ARL17B: variants seen among roughly 807,000 people sequenced by gnomAD.
ARL17B encodes ADP-ribosylation factor-like protein 17.
At chr17:46,291,649 G>A (rs535658865) in intron 4 of ARL17B, among the ~76,000 whole-genome samples, 11 of 152,132 alleles carry the variant, frequency 7.2e-5, no homozygotes, top group East Asian at 1.9e-4. Flanking sequence ...GGGCCCATAC[G>A]GTGGCTCATG....
rs191940456 is a variant in ARL17B at position 46,292,341 on chromosome 17, A to C, written c.*21+7185T>G. On this transcript the variant is annotated intron_variant, in intron 4 of 4. Coordinates refer to the ARL17B transcript ENST00000570618. Reference sequence around the variant, plus strand: ...AGCAAGACACTCTCTCGAGGAAAAAAAAAAAAAAGAAAAGGAAAACAACTC... The same window carrying C: ...AGCAAGACACTCTCTCGAGGAAAAACAAAAAAAAGAAAAGGAAAACAACTC... Among the ~76,000 whole-genome samples the C allele has an allele frequency of 5.1e-5, 4 of 79,116 alleles. No homozygotes were observed. The East Asian group carries it at 9.7e-4, about 19-fold the overall frequency. The allele number at this position is 79,116 out of a possible 152,430, so 51.9% of individuals were successfully genotyped here.
intron 4 of ARL17B, among the ~76,000 whole-genome samples, chr17:46,278,590 G>T (rs2049664780): frequency 6.6e-6 from 1 of 151,484 alleles, no homozygotes. Context: ...TTTTAGTAGA[G>T]ATGAGGTTTC....
intron 4 of ARL17B, among the ~76,000 whole-genome samples, chr17:46,292,158 C>A (rs140146209): frequency 0.013 from 1,460 of 111,074 alleles, 98 homozygotes; most frequent in African/African-American, 0.038. Context: ...ATGGTGAAAC[C>A]CCGTCTCTAC....
At chr17:46,284,799 T>A (rs531128609) in intron 4 of ARL17B, among the ~76,000 whole-genome samples, 1 of 152,384 alleles carries the variant, frequency 6.6e-6, no homozygotes, top group South Asian at 2.1e-4. Context: ...GATTCCCTTT[T>A]TAGTTTCTTC....
chr17:46,336,184 T>C lies in ARL17B; in HGVS notation c.*3316A>G, dbSNP rs1295917122. On this transcript the variant is annotated 3_prime_UTR_variant, in exon 4 of 4. Transcript: ENST00000450673. ...AAGTGGCAGGAAACAGTATTTTCTC[T>C]TTTATTTCTTTTTTTTTCCCCTGGA... Among the ~76,000 whole-genome samples, 1 of 31,028 alleles carries C rather than the reference T, an allele frequency of 3.2e-5. No homozygotes were observed. The highest frequency in any genetic ancestry group is 3.7e-4 in the Admixed American group (1 of 2,672). The allele number at this position is 31,028 out of a possible 152,430, so 20.4% of individuals were successfully genotyped here. A position where few individuals can be genotyped will look rare whatever the true frequency, so the allele number is the denominator to read the frequency against.
At chr17:46,289,622 G>T (rs1416927832) in intron 4 of ARL17B, among the ~76,000 whole-genome samples, 1 of 152,178 alleles carries the variant, frequency 6.6e-6, no homozygotes, top group Non-Finnish European at 1.5e-5. Flanking sequence ...TTACAAGTGT[G>T]AGCCACTGTG....
intron 4 of ARL17B, among the ~76,000 whole-genome samples, chr17:46,276,790 C>CTTTTTTTTTTTTTTTTTTG (rs75549659): frequency 7.4e-6 from 1 of 134,322 alleles, no homozygotes; most frequent in Non-Finnish European, 1.6e-5. Context: ...TTCTTTTTTT[C>CTTTTTTTTTTTTTTTTTTG]TTTTTTTTTT....
rs561606101 is a variant in ARL17B, at chr17:46,292,199, G to C, written c.*21+7327C>G. Among the ~76,000 whole-genome samples, 17 of 68,272 alleles carry C rather than the reference G, an allele frequency of 2.5e-4. 4 individuals carry two copies. The highest frequency in any genetic ancestry group is 6.1e-4 in the African/African-American group (17 of 27,692). The allele number at this position is 68,272 out of a possible 152,430, so 44.8% of individuals were successfully genotyped here. On this transcript the variant is annotated intron_variant, in intron 4 of 4. Coordinates refer to the ARL17B transcript ENST00000570618. ...ATACAAAAATTGGCTGGGTGTGGTGGTGGGCACCTGTAATCCCAGCTACTT... is the reference window on the plus strand; with the variant it reads ...ATACAAAAATTGGCTGGGTGTGGTGCTGGGCACCTGTAATCCCAGCTACTT...
rs1255174923 is a variant in ARL17B at position 46,352,814 on chromosome 17, CTT to C, written c.259+4_259+5del. ...GTATCGAGGCTACAAACCGAATAAT[CTT>C]TACCTTTTGTGTTCTGGAAAAAATG... On this transcript the variant is annotated splice_donor_5th_base_variant and intron_variant, in intron 3 of 3. Coordinates refer to ENST00000450673, the MANE Select transcript of ARL17B (RefSeq NM_001039083.5). 1.4e-6 allele frequency: 1 copy of C among 705,526 alleles called. No individual in the cohort carries two copies. The highest frequency in any genetic ancestry group is 2.9e-5 in the East Asian group (1 of 34,310). The allele number at this position is 705,526 out of a possible 1,614,324, so 43.7% of individuals were successfully genotyped here. A position where few individuals can be genotyped will look rare whatever the true frequency, so the allele number is the denominator to read the frequency against.
intron 3 of ARL17B, among the ~76,000 whole-genome samples, chr17:46,344,417 A>G (rs1410081635): frequency 7.0e-6 from 1 of 143,522 alleles, no homozygotes; most frequent in African/African-American, 2.7e-5. Flanking sequence ...AACTGTTTTC[A>G]TCACTGAAGT....
At chr17:46,327,194 G>A (rs2051783458) in intron 3 of ARL17B, among the ~76,000 whole-genome samples, 1 of 82,136 alleles carries the variant, frequency 1.2e-5, no homozygotes, top group Admixed American at 1.2e-4. Context: ...ATACTGCATA[G>A]GTGATGTATC....
At chr17:46,289,785 A>T (rs113754977) in intron 4 of ARL17B, among the ~76,000 whole-genome samples, 2,897 of 127,104 alleles carry the variant, frequency 0.023, no homozygotes, top group Middle Eastern at 0.059. Flanking sequence ...AGAGTTTTTA[A>T]TTTTTTTAAT....
intron 4 of ARL17B, among the ~76,000 whole-genome samples, chr17:46,287,365 A>T (rs926079990): frequency 5.3e-5 from 8 of 152,286 alleles, no homozygotes; most frequent in African/African-American, 1.9e-4. Flanking sequence ...AGCCATTTCA[A>T]TATCAGGGCT....
chr17:46,278,041 G>A (rs1182104229), intron 4 of ARL17B, among the ~76,000 whole-genome samples: 1 of 152,052 alleles, frequency 6.6e-6, no homozygotes, highest in Non-Finnish European at 1.5e-5. Flanking sequence ...CGCCTCCCAC[G>A]TTCAAGTGAT....
chr17:46,315,485 C>A (rs1409559505), intron 3 of ARL17B, among the ~76,000 whole-genome samples: 1 of 117,282 alleles, frequency 8.5e-6, no homozygotes, highest in African/African-American at 3.2e-5. Context: ...CATGATTGTT[C>A]CACTGCACTC....
At chr17:46,291,039 T>C (rs1359697292) in intron 4 of ARL17B, among the ~76,000 whole-genome samples, 5 of 152,272 alleles carry the variant, frequency 3.3e-5, no homozygotes, top group Admixed American at 1.3e-4. Context: ...ATGAATCTGC[T>C]TCTCTGTCTA....
At chr17:46,308,036 A>C (rs553507724) in intron 3 of ARL17B, among the ~76,000 whole-genome samples, 2 of 73,964 alleles carry the variant, frequency 2.7e-5, no homozygotes, top group African/African-American at 6.9e-5. Flanking sequence ...ATATAATAAT[A>C]ATAATCATCA....
rs1417230537 is a variant in ARL17B, at chr17:46,340,365, A to G, written c.260-591T>C. 1.3e-4 allele frequency among the ~76,000 whole-genome samples: 8 copies of G among 63,112 alleles called. No homozygotes were observed. In the South Asian group the frequency reaches 1.8e-3, roughly 14 times the overall value. The allele number at this position is 63,112 out of a possible 152,430, so 41.4% of individuals were successfully genotyped here. Reference sequence around the variant, plus strand: ...CTAGTAGCTGGGGTTACAGGCATGCACCACCATGCCCGGCTAATTTTTGTA... The same window carrying G: ...CTAGTAGCTGGGGTTACAGGCATGCGCCACCATGCCCGGCTAATTTTTGTA... On this transcript the variant is annotated intron_variant, in intron 3 of 3. Transcript: ENST00000450673.
intron 4 of ARL17B, among the ~76,000 whole-genome samples, chr17:46,284,273 T>A (rs970301940): frequency 6.6e-6 from 1 of 152,250 alleles, no homozygotes; most frequent in African/African-American, 2.4e-5. Context: ...TAGGCAGAGG[T>A]CCCTGCGGCC....
Sources: allele counts gnomAD v4.1 joint callset (sites outside exome capture counted in the v4.1 genomes callset), GRCh38; gene constraint gnomAD v4.1.1; transcripts MANE v1.5; gene names NCBI Gene and HGNC (gene_info 2026-07-23, HGNC 2026-07-21).